The following TMEM135 variants were observed in gnomAD, a reference collection of about 807,000 sequenced individuals.
TMEM135 encodes transmembrane protein 135.
TMEM135 carries 30 observed loss-of-function variants against 60.3 expected under a neutral mutation model. That is an observed-to-expected ratio of 0.50 (90% CI 0.37 to 0.68). The LOEUF (loss-of-function observed/expected upper bound fraction) is 0.68. Among genes scored for constraint, TMEM135 ranks in the 30% least tolerant of loss-of-function variants. The pLI is 0.00. For missense variants in TMEM135, 468 were observed against 548.8 expected (o/e 0.85, Z 1.47); for synonymous variants, 190 against 186.7 (o/e 1.02, Z -0.14).
chr11:87,171,582 A>G lies in TMEM135; in HGVS notation c.462+14176A>G, dbSNP rs190765339. On this transcript the variant is annotated intron_variant, in intron 5 of 14. Coordinates refer to ENST00000305494, the MANE Select transcript of TMEM135 (RefSeq NM_022918.4). ...CGTCTGCATGTCAGTAGACTTTACT[A>G]GCTGAGACCTTGGACAGTTTACTGA... Among the ~76,000 whole-genome samples, 8 of 152,302 alleles carry G rather than the reference A, an allele frequency of 5.3e-5. No individual in the cohort carries two copies. In the East Asian group the frequency reaches 1.5e-3, roughly 29 times the overall value.
chr11:87,286,866 A>G (rs1026432895), intron 6 of TMEM135, among the ~76,000 whole-genome samples: 3 of 152,242 alleles, frequency 2.0e-5, no homozygotes, highest in Non-Finnish European at 4.4e-5. Flanking sequence ...CATTCTTTTC[A>G]TAACTCCAAC....
chr11:87,322,802 G>C lies in TMEM135; in HGVS notation c.*1469G>C, dbSNP rs1942846660. ...GAAACCCAACAAAAAGACAGACTCT[G>C]GTACTATGGTAACAGAGCCACTTTA... On this transcript the variant is annotated 3_prime_UTR_variant, in exon 15 of 15. Transcript: ENST00000305494. 1 of 454,142 alleles carries C rather than the reference G, an allele frequency of 2.2e-6. No homozygotes were observed. The highest frequency in any genetic ancestry group is 2.0e-5 in the African/African-American group (1 of 49,944). 28.1% of individuals were successfully genotyped at this position (454,142 alleles called of 1,614,324 possible). A position where few individuals can be genotyped will look rare whatever the true frequency, so the allele number is the denominator to read the frequency against.
At chr11:87,192,941 C>A (rs1213776961) in intron 5 of TMEM135, among the ~76,000 whole-genome samples, 1 of 152,024 alleles carries the variant, frequency 6.6e-6, no homozygotes, top group Non-Finnish European at 1.5e-5. Flanking sequence ...ATGGGAAAAC[C>A]CCGTCTCTAC....
rs796935312 is a variant in TMEM135, at chr11:87,121,272, A to G, written c.396+29877A>G. ...CATTTATTTATTCTTTATTCAACTAATATTTATTGTACACCTATGTACCAG... is the reference window on the plus strand; with the variant it reads ...CATTTATTTATTCTTTATTCAACTAGTATTTATTGTACACCTATGTACCAG... On this transcript the variant is annotated intron_variant, in intron 4 of 14. Transcript: ENST00000305494. 4 of 152,292 alleles carry G rather than the reference A, an allele frequency of 2.6e-5. No homozygotes were observed. The South Asian group carries it at 8.3e-4, about 32-fold the overall frequency. The allele number at this position is 152,292 out of a possible 1,614,324, so 9.4% of individuals were successfully genotyped here.
intron 4 of TMEM135, among the ~76,000 whole-genome samples, chr11:87,148,146 A>G (rs1355482159): frequency 2.0e-5 from 3 of 152,222 alleles, no homozygotes; most frequent in Non-Finnish European, 4.4e-5. Context: ...ATCATCTTAG[A>G]TGTAATAAAA....
intron 4 of TMEM135, among the ~76,000 whole-genome samples, chr11:87,125,364 G>A (rs948493969): frequency 3.9e-5 from 6 of 152,158 alleles, no homozygotes; most frequent in African/African-American, 1.2e-4. Flanking sequence ...AGTTGTGGGG[G>A]AGTAGAGGTG....
intron 4 of TMEM135, among the ~76,000 whole-genome samples, chr11:87,147,698 A>T (rs1193715664): frequency 6.6e-6 from 1 of 152,158 alleles, no homozygotes; most frequent in Non-Finnish European, 1.5e-5. Flanking sequence ...CATTTATTAC[A>T]TCTAGGTTTT....
chr11:87,168,414 T>C (rs1701549481), intron 5 of TMEM135, among the ~76,000 whole-genome samples: 2 of 152,176 alleles, frequency 1.3e-5, no homozygotes, highest in South Asian at 4.1e-4. Flanking sequence ...TGATTTTAGA[T>C]CTTTCCCACG....
At chr11:87,158,402 A>G (rs1022515105) in intron 5 of TMEM135, among the ~76,000 whole-genome samples, 1 of 152,192 alleles carries the variant, frequency 6.6e-6, no homozygotes, top group African/African-American at 2.4e-5. Flanking sequence ...AAATGTGCCA[A>G]CATTTGAAAA....
intron 6 of TMEM135, among the ~76,000 whole-genome samples, chr11:87,283,048 T>A (rs1942096892): frequency 6.6e-6 from 1 of 151,986 alleles, no homozygotes; most frequent in African/African-American, 2.4e-5. Context: ...CAGAAAATAG[T>A]AGCTTCTGGC....
At chr11:87,276,812 G>T (rs1420197499) in intron 6 of TMEM135, among the ~76,000 whole-genome samples, 2 of 151,476 alleles carry the variant, frequency 1.3e-5, no homozygotes, top group Non-Finnish European at 2.9e-5. Flanking sequence ...GGGATTACTG[G>T]CATGCGAGGC....
At chr11:87,286,630 G>A (rs952382977) in intron 6 of TMEM135, among the ~76,000 whole-genome samples, 1 of 152,200 alleles carries the variant, frequency 6.6e-6, no homozygotes, top group Non-Finnish European at 1.5e-5. Flanking sequence ...TGGGGGTGGG[G>A]CTCGGGCATG....
At chr11:87,058,576 C>A (rs1949915838) in intron 1 of TMEM135, among the ~76,000 whole-genome samples, 1 of 151,934 alleles carries the variant, frequency 6.6e-6, no homozygotes, top group Admixed American at 6.6e-5. Flanking sequence ...AGTGATCCAC[C>A]CGCCTTGGCC....
intron 6 of TMEM135, among the ~76,000 whole-genome samples, chr11:87,291,837 C>T (rs1942270883): frequency 6.6e-6 from 1 of 152,114 alleles, no homozygotes; most frequent in Non-Finnish European, 1.5e-5. Context: ...GCCACCGTCC[C>T]CGGCCTCAAG....
At chr11:87,153,468 C>T (rs11234995) in intron 4 of TMEM135, among the ~76,000 whole-genome samples, 5 of 152,264 alleles carry the variant, frequency 3.3e-5, no homozygotes, top group Non-Finnish European at 7.4e-5. Flanking sequence ...CTGTCATTAT[C>T]GTTGTAATAT....
chr11:87,178,750 C>G (rs1326229514), intron 5 of TMEM135, among the ~76,000 whole-genome samples: 1 of 152,014 alleles, frequency 6.6e-6, no homozygotes, highest in Admixed American at 6.6e-5. Context: ...GAGGTTCATT[C>G]ATATCAGTAC....
At chr11:87,144,940 C>T (rs1938371534) in intron 4 of TMEM135, among the ~76,000 whole-genome samples, 1 of 152,028 alleles carries the variant, frequency 6.6e-6, no homozygotes, top group African/African-American at 2.4e-5. Flanking sequence ...ACCTCAATTA[C>T]TTAACTTTTT....
At chr11:87,130,026 A>G (rs1316494781) in intron 4 of TMEM135, among the ~76,000 whole-genome samples, 1 of 152,146 alleles carries the variant, frequency 6.6e-6, no homozygotes, top group Non-Finnish European at 1.5e-5. Flanking sequence ...TTATTTTAAT[A>G]AATTGAGGCA....
intron 8 of TMEM135, among the ~76,000 whole-genome samples, chr11:87,303,248 T>C (rs72959877): frequency 6.6e-6 from 1 of 152,232 alleles, no homozygotes; most frequent in Non-Finnish European, 1.5e-5. Flanking sequence ...ACAAACCCCA[T>C]TGTGAACTGC....
Sources: gnomAD v4.1 joint callset for allele counts (sites outside exome capture counted in the v4.1 genomes callset) on GRCh38, gnomAD v4.1.1 for gene constraint, MANE v1.5 for transcripts, NCBI Gene and HGNC (gene_info 2026-07-23, HGNC 2026-07-21) for gene names.